GALNTL6: variants seen among roughly 807,000 people sequenced by gnomAD.
The protein encoded by GALNTL6 is polypeptide N-acetylgalactosaminyltransferase like 6, also known as polypeptide N-acetylgalactosaminyltransferase-like 6.
In GALNTL6, 46 loss-of-function variants were observed where a neutral mutation model predicts 73.7. That is an observed-to-expected ratio of 0.62 (90% CI 0.49 to 0.80). The LOEUF is 0.80. Ranked by LOEUF, GALNTL6 falls within the 30% of genes least tolerant of loss-of-function variation. The probability of loss-of-function intolerance (pLI) is 0.00; values close to 1 mark genes in which losing one functional copy is unlikely to be tolerated. For missense variants in GALNTL6, 604 were observed against 755.0 expected (o/e 0.80, Z 2.34); for synonymous variants, 259 against 263.7 (o/e 0.98, Z 0.17).
At chr4:172,363,660 C>T (rs1742456262) in intron 5 of GALNTL6, among the ~76,000 whole-genome samples, 1 of 152,100 alleles carries the variant, frequency 6.6e-6, no homozygotes, top group Admixed American at 6.6e-5. Context: ...CCAATTAACT[C>T]TTTGAAGAAG....
chr4:172,308,014 T>TTTA (rs1740211645), intron 3 of GALNTL6, among the ~76,000 whole-genome samples: 1 of 135,080 alleles, frequency 7.4e-6, no homozygotes, highest in Non-Finnish European at 1.6e-5. Context: ...TTTTTTTTTT[T>TTTA]TTTTTTTTTT....
At chr4:172,154,907 A>G (rs1734209343) in intron 2 of GALNTL6, among the ~76,000 whole-genome samples, 1 of 152,228 alleles carries the variant, frequency 6.6e-6, no homozygotes, top group Non-Finnish European at 1.5e-5. Context: ...CCTAAAATTA[A>G]TATGTCAAAA....
Position 173,040,470 on chromosome 4 carries a change from G to A in GALNTL6, c.*370G>A, listed in dbSNP as rs1052398350. On this transcript the variant is annotated 3_prime_UTR_variant, in exon 13 of 13. Coordinates refer to ENST00000506823, the MANE Select transcript of GALNTL6 (RefSeq NM_001034845.3). The stretch of plus-strand genomic sequence containing the variant: ...AACTGGGTGGGAGGGGGGTGAAAAT[G>A]GAGTGCATGACTGCTCTGACAACCT... 2.5e-5 allele frequency: 5 copies of A among 204,054 alleles called. No individual in the cohort carries two copies. Among genetic ancestry groups the A allele is most frequent in the Non-Finnish European group, 3.9e-5 (4 of 101,780 alleles). 12.6% of individuals were successfully genotyped at this position (204,054 alleles called of 1,614,324 possible). A position where few individuals can be genotyped will look rare whatever the true frequency, so the allele number is the denominator to read the frequency against.
intron 5 of GALNTL6, among the ~76,000 whole-genome samples, chr4:172,761,807 G>T (rs969721285): frequency 6.6e-6 from 1 of 152,032 alleles, no homozygotes; most frequent in Non-Finnish European, 1.5e-5. Flanking sequence ...TAAGCCTGTA[G>T]AACTGTGAGT....
chr4:172,963,563 G>T (rs770728925), intron 10 of GALNTL6, among the ~76,000 whole-genome samples: 1 of 152,152 alleles, frequency 6.6e-6, no homozygotes, highest in Non-Finnish European at 1.5e-5. Flanking sequence ...ATAAATATTT[G>T]TTGAATGAAT....
chr4:171,914,780 T>TTAA (rs370128833), intron 2 of GALNTL6, among the ~76,000 whole-genome samples: 3 of 144,824 alleles, frequency 2.1e-5, no homozygotes, highest in Non-Finnish European at 3.0e-5. Context: ...GTAAAAATGA[T>TTAA]AAAAAAAAAA....
At chr4:172,271,225 C>T (rs1738638733) in intron 3 of GALNTL6, among the ~76,000 whole-genome samples, 1 of 152,028 alleles carries the variant, frequency 6.6e-6, no homozygotes, top group Non-Finnish European at 1.5e-5. Context: ...GTTGCCTCAC[C>T]AGAAATTATT....
chr4:172,035,894 G>A (rs1043758340), intron 2 of GALNTL6, among the ~76,000 whole-genome samples: 2 of 152,028 alleles, frequency 1.3e-5, no homozygotes, highest in African/African-American at 2.4e-5. Context: ...GTAGTCATTC[G>A]CATATGCATT....
chr4:172,228,721 T>A (rs1240641954), intron 2 of GALNTL6, among the ~76,000 whole-genome samples: 9 of 152,188 alleles, frequency 5.9e-5, no homozygotes, highest in African/African-American at 2.2e-4. Context: ...AAAAATAGCA[T>A]GTGAATTTGA....
At chr4:172,160,167 TGTGTGC>T (rs896183425) in intron 2 of GALNTL6, among the ~76,000 whole-genome samples, 18 of 152,000 alleles carry the variant, frequency 1.2e-4, no homozygotes, top group African/African-American at 3.9e-4. Flanking sequence ...AATATAAGTG[TGTGTGC>T]GTGTGCGTGT....
intron 2 of GALNTL6, among the ~76,000 whole-genome samples, chr4:171,846,807 T>C (rs1037467814): frequency 4.1e-4 from 60 of 147,828 alleles, no homozygotes; most frequent in Non-Finnish European, 6.8e-4. Context: ...ATGATATATG[T>C]CCCTGTAGAT....
intron 5 of GALNTL6, among the ~76,000 whole-genome samples, chr4:172,543,107 A>G (rs1453610572): frequency 6.6e-6 from 1 of 150,392 alleles, no homozygotes; most frequent in African/African-American, 2.4e-5. Flanking sequence ...AAAGAAAAGG[A>G]ACAGCTGTGC....
intron 7 of GALNTL6, among the ~76,000 whole-genome samples, chr4:172,817,033 G>A (rs1331627647): frequency 1.3e-5 from 2 of 150,930 alleles, no homozygotes; most frequent in Non-Finnish European, 3.0e-5. Context: ...GCTTGAACCC[G>A]GGAGGCAGAG....
chr4:172,732,855 C>A (rs1736234056), intron 5 of GALNTL6, among the ~76,000 whole-genome samples: 1 of 152,192 alleles, frequency 6.6e-6, no homozygotes, highest in South Asian at 2.1e-4. Flanking sequence ...ACTTTATCTC[C>A]ATCTGCCTTA....
At chr4:171,957,361 T>C (rs1739081201) in intron 2 of GALNTL6, among the ~76,000 whole-genome samples, 1 of 152,170 alleles carries the variant, frequency 6.6e-6, no homozygotes, top group South Asian at 2.1e-4. Flanking sequence ...ATAATTGTAG[T>C]TTTATAGTCC....
chr4:172,810,711 C>G (rs1284109083), intron 6 of GALNTL6, among the ~76,000 whole-genome samples: 1 of 152,150 alleles, frequency 6.6e-6, no homozygotes, highest in Non-Finnish European at 1.5e-5. Flanking sequence ...GGTAACTGCC[C>G]AGTTATCCTA....
rs70941399 is a variant in GALNTL6 at position 172,308,003 on chromosome 4, CTTTTTTTT to C, written c.248-3588_248-3581del. On this transcript the variant is annotated intron_variant, in intron 3 of 12. Coordinates refer to ENST00000506823, the MANE Select transcript of GALNTL6 (RefSeq NM_001034845.3). ...TCCATGAGCATGGGATGTGTTTTAA[CTTTTTTTT>C]TTTTTTTTTTTTTTTTTTTTTTACG... Among the ~76,000 whole-genome samples, 18 of 34,588 alleles carry C rather than the reference CTTTTTTTT, an allele frequency of 5.2e-4. 1 individual carries two copies. In the South Asian group the frequency reaches 0.013, roughly 25 times the overall value. The allele number at this position is 34,588 out of a possible 152,430, so 22.7% of individuals were successfully genotyped here.
chr4:172,568,724 C>T (rs1396228312), intron 5 of GALNTL6, among the ~76,000 whole-genome samples: 1 of 139,164 alleles, frequency 7.2e-6, no homozygotes, highest in Non-Finnish European at 1.5e-5. Flanking sequence ...CGCCACTGCA[C>T]TCCAGCCTGG....
intron 5 of GALNTL6, among the ~76,000 whole-genome samples, chr4:172,516,339 G>T (rs2110804397): frequency 6.6e-6 from 1 of 152,194 alleles, no homozygotes; most frequent in Admixed American, 6.5e-5. Context: ...GTGCAGCATT[G>T]ACCCAAGAAA....
Sources: gnomAD v4.1 joint callset for allele counts (sites outside exome capture counted in the v4.1 genomes callset) on GRCh38, gnomAD v4.1.1 for gene constraint, MANE v1.5 for transcripts, NCBI Gene and HGNC (gene_info 2026-07-23, HGNC 2026-07-21) for gene names.